Variants in VOPP1 observed in about 807,000 individuals in gnomAD.
VOPP1 encodes the protein VOPP1 WW domain binding protein.
Under a neutral mutation model 23.5 loss-of-function variants are expected in VOPP1, and 8 were observed. That is an observed-to-expected ratio of 0.34 (90% CI 0.20 to 0.61). The LOEUF (loss-of-function observed/expected upper bound fraction) is 0.61. Among genes scored for constraint, VOPP1 ranks in the 20% least tolerant of loss-of-function variants. The pLI, the probability that VOPP1 is intolerant of heterozygous loss-of-function variation, is 0.78. For missense variants in VOPP1, 174 were observed against 238.1 expected (o/e 0.73, Z 1.77); for synonymous variants, 83 against 97.3 (o/e 0.85, Z 0.86).
chr7:55,483,685 T>C (rs1312993275), intron 4 of VOPP1, among the ~76,000 whole-genome samples: 1 of 152,256 alleles, frequency 6.6e-6, no homozygotes, highest in African/African-American at 2.4e-5. Context: ...TACTTTCCCA[T>C]GTCATGCTCT....
chr7:55,506,028 C>A (rs977606942), intron 2 of VOPP1, among the ~76,000 whole-genome samples: 10 of 152,182 alleles, frequency 6.6e-5, no homozygotes, highest in African/African-American at 2.4e-4. Context: ...TAATTTCAAT[C>A]GAGCACAAAA....
At chr7:55,468,873 T>A (rs1004097244), downstream of VOPP1, among the ~76,000 whole-genome samples, 9 of 152,122 alleles carry the variant, frequency 5.9e-5, no homozygotes, top group African/African-American at 2.2e-4. Context: ...GAACTGTGCT[T>A]AGGATCAATG....
chr7:55,465,848 C>T (rs1249672692), downstream of VOPP1, among the ~76,000 whole-genome samples: 3 of 152,184 alleles, frequency 2.0e-5, no homozygotes, highest in Non-Finnish European at 4.4e-5. Flanking sequence ...TCCACAGGGA[C>T]TCTCTCACAT....
At chr7:55,473,485 A>G (rs1280420759) in intron 4 of VOPP1, among the ~76,000 whole-genome samples, 2 of 152,186 alleles carry the variant, frequency 1.3e-5, no homozygotes, top group East Asian at 3.9e-4. Flanking sequence ...GTGTGCCCTC[A>G]GGGCAGGAGT....
chr7:55,452,871 G>A (rs1247018784), intron 4 of VOPP1, among the ~76,000 whole-genome samples: 1 of 152,198 alleles, frequency 6.6e-6, no homozygotes, highest in South Asian at 2.1e-4. Flanking sequence ...AGGGCCCTAG[G>A]ATTTTTAGAA....
intron 1 of VOPP1, among the ~76,000 whole-genome samples, chr7:55,544,097 G>A (rs1797258283): frequency 1.3e-5 from 2 of 152,156 alleles, no homozygotes; most frequent in South Asian, 2.1e-4. Flanking sequence ...TACATGGCGA[G>A]AGACAGAAGT....
intron 2 of VOPP1, among the ~76,000 whole-genome samples, chr7:55,505,064 G>A (rs184382861): frequency 1.3e-5 from 2 of 152,308 alleles, no homozygotes; most frequent in Admixed American, 1.3e-4. Context: ...CCTGTCAAGA[G>A]CCTTTGGATC....
intron 2 of VOPP1, among the ~76,000 whole-genome samples, chr7:55,504,121 C>T (rs1652653647): frequency 6.6e-6 from 1 of 152,142 alleles, no homozygotes; most frequent in Admixed American, 6.5e-5. Context: ...CCTTTCTCTT[C>T]ACTAAGCACT....
downstream of VOPP1, among the ~76,000 whole-genome samples, chr7:55,435,351 C>G (rs565884662): frequency 1.3e-4 from 20 of 152,260 alleles, no homozygotes; most frequent in African/African-American, 4.8e-4. Flanking sequence ...AGCATGGAGC[C>G]GGGGGTGCTG....
intron 1 of VOPP1, among the ~76,000 whole-genome samples, chr7:55,559,477 T>C (rs1350481232): frequency 6.6e-6 from 1 of 152,192 alleles, no homozygotes; most frequent in East Asian, 1.9e-4. Context: ...AGGGCCCAGA[T>C]GTCGTGATTT....
intron 1 of VOPP1, among the ~76,000 whole-genome samples, chr7:55,568,081 C>CTTTT (rs60284804): frequency 2.0e-4 from 25 of 124,016 alleles, no homozygotes; most frequent in African/African-American, 2.8e-4. Context: ...ACAACTATTC[C>CTTTT]TTTTTTTTTT....
At chr7:55,529,013 TA>T (rs1796343411) in intron 1 of VOPP1, among the ~76,000 whole-genome samples, 3 of 152,194 alleles carry the variant, frequency 2.0e-5, no homozygotes, top group Admixed American at 1.3e-4. Flanking sequence ...GATTTCTTTT[TA>T]AAATATCTCC....
rs966800548 is a variant in VOPP1 at position 55,494,757 on chromosome 7, G to A, written c.192-2339C>T. 2.0e-5 allele frequency among the ~76,000 whole-genome samples: 3 copies of A among 152,258 alleles called. No homozygotes were observed. The South Asian group carries it at 6.2e-4, about 32-fold the overall frequency. On this transcript the variant is annotated intron_variant, in intron 3 of 4. Transcript: ENST00000285279. ...CTCCCAAAGTGCACCATTGTGCTAG[G>A]CCAAGAACTTATTTTAAAAGAGAGA... is the stretch of plus-strand genomic sequence containing the variant.
chr7:55,543,453 C>G (rs1797227009), intron 1 of VOPP1, among the ~76,000 whole-genome samples: 2 of 152,186 alleles, frequency 1.3e-5, no homozygotes, highest in African/African-American at 2.4e-5. Flanking sequence ...ATTGCTAGAT[C>G]ATAAGGTAGT....
At chr7:55,525,920 T>C (rs1038940123) in intron 1 of VOPP1, among the ~76,000 whole-genome samples, 2 of 151,638 alleles carry the variant, frequency 1.3e-5, no homozygotes, top group African/African-American at 4.8e-5. Context: ...ACTACTACCA[T>C]GATTTCTTAA....
At chr7:55,464,580 A>G (rs1285974732) in intron 4 of VOPP1, among the ~76,000 whole-genome samples, 2 of 152,188 alleles carry the variant, frequency 1.3e-5, no homozygotes, top group Non-Finnish European at 1.5e-5. Context: ...CTGCCTCCCC[A>G]GTGCACAGTA....
intron 1 of VOPP1, among the ~76,000 whole-genome samples, chr7:55,560,128 G>T (rs966853778): frequency 2.0e-5 from 3 of 152,224 alleles, no homozygotes; most frequent in Non-Finnish European, 2.9e-5. Flanking sequence ...ACTCCGGCCT[G>T]GGGAAAAGAG....
At chr7:55,557,633 T>C in intron 1 of VOPP1, among the ~76,000 whole-genome samples, 1 of 152,112 alleles carries the variant, frequency 6.6e-6, no homozygotes, top group Non-Finnish European at 1.5e-5. Context: ...TACTGGAATA[T>C]TGTGGGGATG....
At chr7:55,548,302 C>T (rs1203422106) in intron 1 of VOPP1, among the ~76,000 whole-genome samples, 1 of 152,250 alleles carries the variant, frequency 6.6e-6, no homozygotes, top group Admixed American at 6.5e-5. Flanking sequence ...CCAGGAAGAT[C>T]TGCCAGGTTT....
Sources: allele counts gnomAD v4.1 joint callset (sites outside exome capture counted in the v4.1 genomes callset), GRCh38; gene constraint gnomAD v4.1.1; transcripts MANE v1.5; gene names NCBI Gene and HGNC (gene_info 2026-07-23, HGNC 2026-07-21).